The following TTBK1 variants were observed in gnomAD, a reference collection of about 807,000 sequenced individuals.
TTBK1 encodes tau tubulin kinase 1.
In TTBK1, 34 loss-of-function variants were observed where a neutral mutation model predicts 108.5. That is an observed-to-expected ratio of 0.31 (90% CI 0.24 to 0.42). The LOEUF (loss-of-function observed/expected upper bound fraction) is 0.42, where lower values mean the gene tolerates loss of function less well. TTBK1 is among the 10% of genes least tolerant of loss of function. The pLI is 1.00. For synonymous variants in TTBK1, 809 were observed against 795.1 expected, an observed-to-expected ratio of 1.02 and a Z score of -0.29; for missense variants, 1,539 against 1,826.0, an observed-to-expected ratio of 0.84 and a Z score of 2.86.
chr6:43,272,871 G>A (rs1777871498), intron 13 of TTBK1, among the ~76,000 whole-genome samples: 1 of 151,904 alleles, frequency 6.6e-6, no homozygotes, highest in South Asian at 2.1e-4. Flanking sequence ...TTGATACCCT[G>A]CTTGGGGAAA....
intron 2 of TTBK1, among the ~76,000 whole-genome samples, chr6:43,252,358 G>C (rs1777267114): frequency 6.6e-6 from 1 of 152,058 alleles, no homozygotes; most frequent in Non-Finnish European, 1.5e-5. Context: ...GGGCACAGTG[G>C]CTCATGCCTG....
chr6:43,275,590 GC>G lies in TTBK1; in HGVS notation c.1987-7131del, dbSNP rs1777959727. On this transcript the variant is annotated intron_variant, in intron 13 of 14. Coordinates refer to ENST00000259750, the MANE Select transcript of TTBK1 (RefSeq NM_032538.3). The stretch of plus-strand genomic sequence containing the variant: ...CCGTTACCTCACTGCCCGTCGGGCT[GC>G]CCCCCACCCCGCCCCAATAATTGGC... Among the ~76,000 whole-genome samples the G allele has an allele frequency of 1.0e-4, 15 of 150,170 alleles. No homozygotes were observed. In the South Asian group the frequency reaches 3.2e-3, roughly 32 times the overall value.
intron 7 of TTBK1, among the ~76,000 whole-genome samples, 158 bp downstream of exon 7, chr6:43,255,272 A>G (rs550314821): frequency 1.3e-5 from 2 of 151,322 alleles, no homozygotes; most frequent in East Asian, 2.0e-4. Flanking sequence ...TCTGTGGCAG[A>G]CTCAGTGTCC....
In TTBK1 at chr6:43,284,133, G is replaced by C; in HGVS notation, c.3393G>C (p.Glu1131Asp). Residue 1131 changes from glutamate (E) to aspartate (D), a missense_variant, in exon 14 of 15, where the codon GAG (glutamate) becomes GAC (aspartate). Physicochemically the swap from Glu to Asp is conservative, Grantham distance 45. Coordinates refer to ENST00000259750, the MANE Select transcript of TTBK1 (RefSeq NM_032538.3). The stretch of plus-strand genomic sequence containing the variant: ...CCCTCTCAGGCACGGGCTCTGAGGA[G>C]GACACGCCCGCCTCTGAGCCGGCAG... Reference protein sequence around the residue: ...SETLSGTGSEEDTPASEPAAA... With the variant: ...SETLSGTGSEDDTPASEPAAA... 1 of 1,541,164 alleles carries C rather than the reference G, an allele frequency of 6.5e-7. No individual in the cohort carries two copies. Among genetic ancestry groups the C allele is most frequent in the Non-Finnish European group, 8.7e-7 (1 of 1,149,072 alleles).
intron 6 of TTBK1, 121 bp downstream of exon 6, chr6:43,254,772 C>A: frequency 1.1e-6 from 1 of 895,302 alleles, no homozygotes; most frequent in Non-Finnish European, 1.7e-6. Context: ...TCAGTATCAG[C>A]GCCACCCAGC....
chr6:43,271,506 C>G, intron 13 of TTBK1: 1 of 985,430 alleles, frequency 1.0e-6, no homozygotes, highest in Non-Finnish European at 1.2e-6. Context: ...TAGCTACTCT[C>G]ATCCCAGCTT....
chr6:43,284,801 C>T (rs1354438242), intron 14 of TTBK1, among the ~76,000 whole-genome samples, 182 bp from the exon 15 acceptor site: 1 of 152,204 alleles, frequency 6.6e-6, no homozygotes, highest in Non-Finnish European at 1.5e-5. Context: ...CGTGTGGCCC[C>T]TCGAGGTCCT....
Position 43,263,207 on chromosome 6 carries a change from C to T in TTBK1, c.1843C>T (p.Pro615Ser). 1 of 1,578,744 alleles carries T rather than the reference C, an allele frequency of 6.3e-7. No individual in the cohort carries two copies. The highest frequency in any genetic ancestry group is 8.6e-7 in the Non-Finnish European group (1 of 1,162,144). The change falls in exon 13 of 15, where the codon CCC (proline) becomes TCC (serine). Residue 615 changes from proline (P) to serine (S), a missense_variant. This residue lies in a region of TTBK1 where 1,055 missense variants were observed against 1,086.5 expected (regional missense o/e 0.97). Coordinates refer to ENST00000259750, the MANE Select transcript of TTBK1 (RefSeq NM_032538.3). The surrounding 1 kb of genome is among the most constrained non-coding windows in gnomAD (Gnocchi z 4.7). ...GGACCTGCAGCATTTGCCGCCCCAG[C>T]CCCTGCCACCCCAGCTGAGCCAGGG... ...EEDLQHLPPQ[P>S]LPPQLSQGDG...
In TTBK1 at chr6:43,255,742, G is replaced by A. The variant is rs760804934; in HGVS notation, c.747G>A (p.Gly249=). The change falls in exon 9 of 15, where the codon GGG becomes GGA. Residue 249 remains glycine, a synonymous_variant. Coordinates refer to ENST00000259750, the MANE Select transcript of TTBK1 (RefSeq NM_032538.3). The part of the protein sequence containing the change: ...WRKIKDKEQV[G]MIKEKYEHRM... Reference sequence around the variant, plus strand: ...CCTCTTGCCTCCAGGAACAGGTAGGGATGATCAAGGAGAAGTATGAGCACC... The same window carrying A: ...CCTCTTGCCTCCAGGAACAGGTAGGAATGATCAAGGAGAAGTATGAGCACC... 8.7e-6 allele frequency: 14 copies of A among 1,614,150 alleles called. No homozygotes were observed. The highest frequency in any genetic ancestry group is 1.2e-5 in the Non-Finnish European group (14 of 1,180,026).
At position 43,257,842 on chromosome 6, in the gene TTBK1, A is replaced by G; in HGVS notation, c.892A>G (p.Lys298Glu). Residue 298 changes from lysine (K) to glutamate (E), a missense_variant, in exon 10 of 15, where the codon AAG becomes GAG. By Grantham distance (56) the Lys-to-Glu change is moderately conservative. Coordinates refer to ENST00000259750, the MANE Select transcript of TTBK1 (RefSeq NM_032538.3). This position sits in a 1 kb window ranked among gnomAD's most constrained non-coding sequence, Gnocchi z 4.5. ...LIMSVFENSM[K>E]ERGIAENEAF... ...CATGTCAGTGTTTGAGAACAGCATGAAGGAGAGGGGCATTGCCGAGAATGA... is the reference window on the plus strand; with the variant it reads ...CATGTCAGTGTTTGAGAACAGCATGGAGGAGAGGGGCATTGCCGAGAATGA... The G allele has an allele frequency of 6.2e-7, 1 of 1,613,924 alleles. No homozygotes were observed. The highest frequency in any genetic ancestry group is 8.5e-7 in the Non-Finnish European group (1 of 1,179,968).
In TTBK1 at chr6:43,253,179, C is replaced by T; in HGVS notation, c.257-112C>T. 8.2e-7 allele frequency: 1 copy of T among 1,217,678 alleles called. No individual in the cohort carries two copies. The highest frequency in any genetic ancestry group is 1.7e-5 in the Admixed American group (1 of 57,536). 75.4% of individuals were successfully genotyped at this position (1,217,678 alleles called of 1,614,324 possible). ...AGGGAGGTGGCAAGACAGGTGCTCA[C>T]AGGGCCAGCACTGGAGGGACCAGGA... On this transcript the variant is annotated intron_variant, in intron 3 of 14. Transcript: ENST00000259750. The surrounding 1 kb of genome is among the most constrained non-coding windows in gnomAD (Gnocchi z 5.8).
At chr6:43,262,749 T>G (rs762807515) in intron 12 of TTBK1, 40 bp from the exon 13 acceptor site, 59 of 1,485,918 alleles carry the variant, frequency 4.0e-5, no homozygotes, top group Non-Finnish European at 5.1e-5. Flanking sequence ...GGGGGTCCAG[T>G]GGGGCCAGGT....
rs1395387026 is a variant in TTBK1 at position 43,287,299 on chromosome 6, A to G, written c.*1923A>G. 2 of 152,454 alleles carry G rather than the reference A, an allele frequency of 1.3e-5. No homozygotes were observed. The highest frequency in any genetic ancestry group is 6.5e-5 in the Admixed American group (1 of 15,272). 9.4% of individuals were successfully genotyped at this position (152,454 alleles called of 1,614,324 possible). The stretch of plus-strand genomic sequence containing the variant: ...CCACCTAGAGCTTCTCCGAATGACA[A>G]TCAGCTCGTGCCAGGTGGGGACCAG... On this transcript the variant is annotated 3_prime_UTR_variant, in exon 15 of 15. Transcript: ENST00000259750. The surrounding 1 kb of genome is among the most constrained non-coding windows in gnomAD (Gnocchi z 4.1).
chr6:43,267,045 G>C (rs1007185546), intron 13 of TTBK1, among the ~76,000 whole-genome samples: 1 of 125,444 alleles, frequency 8.0e-6, no homozygotes, highest in African/African-American at 3.3e-5. Flanking sequence ...GTGTGTGTGT[G>C]TGTGTGTTCT....
At position 43,283,996 on chromosome 6, in the gene TTBK1, C is replaced by A. The variant is rs572110065; in HGVS notation, c.3256C>A (p.Gln1086Lys). The A allele has an allele frequency of 1.1e-5, 18 of 1,602,814 alleles. No individual in the cohort carries two copies. In the South Asian group the frequency reaches 2.0e-4, roughly 18 times the overall value. ...KERWSKRARP[Q>K]QDLARLVMEK... is the part of the protein sequence containing the mutation. Reference sequence around the variant, plus strand: ...GCGGTGGAGCAAGCGGGCTCGGCCGCAGCAGGACCTGGCGCGGCTGGTGAT... The same window carrying A: ...GCGGTGGAGCAAGCGGGCTCGGCCGAAGCAGGACCTGGCGCGGCTGGTGAT... The change falls in exon 14 of 15, where the codon CAG becomes AAG. Residue 1086 changes from glutamine (Q) to lysine (K), a missense_variant. By Grantham distance (53) the Gln-to-Lys change is moderately conservative. Transcript: ENST00000259750. This position sits in a 1 kb window ranked among gnomAD's most constrained non-coding sequence, Gnocchi z 8.1.
chr6:43,252,906 G>A lies in TTBK1; in HGVS notation c.256+20G>A. On this transcript the variant is annotated intron_variant, in intron 3 of 14. Coordinates refer to ENST00000259750, the MANE Select transcript of TTBK1 (RefSeq NM_032538.3). ...TGCAAGGTTCGGGCCTCGGGCAGGG[G>A]GATGGGAAGGAAGAGATGATGAAGC... 6.2e-7 allele frequency: 1 copy of A among 1,612,088 alleles called. No individual in the cohort carries two copies. The highest frequency in any genetic ancestry group is 8.5e-7 in the Non-Finnish European group (1 of 1,179,696).
In TTBK1 at chr6:43,287,139, A is replaced by T. The variant is rs1216271136; in HGVS notation, c.*1763A>T. 1 of 152,640 alleles carries T rather than the reference A, an allele frequency of 6.6e-6. No individual in the cohort carries two copies. The highest frequency in any genetic ancestry group is 6.5e-5 in the Admixed American group (1 of 15,284). 9.5% of individuals were successfully genotyped at this position (152,640 alleles called of 1,614,324 possible). A position where few individuals can be genotyped will look rare whatever the true frequency, so the allele number is the denominator to read the frequency against. Reference sequence around the variant, plus strand: ...GTGGACAGCCTTTGACGTCCACCCCACGCTGATGCAGAAGCTCCCAGAACA... The same window carrying T: ...GTGGACAGCCTTTGACGTCCACCCCTCGCTGATGCAGAAGCTCCCAGAACA... On this transcript the variant is annotated 3_prime_UTR_variant, in exon 15 of 15. Transcript: ENST00000259750. The surrounding 1 kb of genome is among the most constrained non-coding windows in gnomAD (Gnocchi z 4.1).
At chr6:43,270,839 T>G in intron 13 of TTBK1, 1 of 985,478 alleles carries the variant, frequency 1.0e-6, no homozygotes. Flanking sequence ...ACCATGTGCT[T>G]GTCAGCAAAA....
chr6:43,283,492 G>A lies in TTBK1; in HGVS notation c.2752G>A (p.Val918Ile), dbSNP rs1345037377. ...GACCACAGGGGTCGGGGGCGTGGCAGTCACCTCCTCACCCTTCACCAAAGT... is the reference window on the plus strand; with the variant it reads ...GACCACAGGGGTCGGGGGCGTGGCAATCACCTCCTCACCCTTCACCAAAGT... ...TVTTGVGGVA[V>I]TSSPFTKVER... Residue 918 changes from valine to isoleucine, a missense_variant, in exon 14 of 15, where the codon GTC (valine) becomes ATC (isoleucine). Physicochemically the swap from Val to Ile is conservative, Grantham distance 29 (BLOSUM62 3). Around this residue, in one of 5 missense-constraint regions of TTBK1, gnomAD observed 1,055 missense variants for 1,086.5 expected, o/e 0.97. Transcript: ENST00000259750. The surrounding 1 kb of genome is among the most constrained non-coding windows in gnomAD (Gnocchi z 8.1). The A allele has an allele frequency of 1.2e-6, 2 of 1,614,050 alleles. No individual in the cohort carries two copies. The highest frequency in any genetic ancestry group is 1.7e-6 in the Non-Finnish European group (2 of 1,180,000).
Sources: gnomAD v4.1 joint callset for allele counts (sites outside exome capture counted in the v4.1 genomes callset) on GRCh38, gnomAD v4.1.1 for gene constraint, gnomAD v4.1.1 regional missense constraint, Gnocchi (gnomAD v3.1) non-coding constraint, MANE v1.5 for transcripts, NCBI Gene and HGNC (gene_info 2026-07-23, HGNC 2026-07-21) for gene names.